The following STN1 variants were observed in gnomAD, a reference collection of about 807,000 sequenced individuals.
STN1 encodes STN1 subunit of CST complex, also known as CST complex subunit STN1.
STN1 carries 29 observed loss-of-function variants against 45.5 expected under a neutral mutation model. The ratio of observed to expected loss-of-function variants is 0.64; its 90% CI spans 0.47 to 0.87. The LOEUF (loss-of-function observed/expected upper bound fraction) is 0.87. Among genes scored for constraint, STN1 ranks in the 40% least tolerant of loss-of-function variants. The pLI is 0.00. For synonymous variants in STN1, 148 were observed against 159.0 expected (o/e 0.93, Z 0.52); for missense variants, 376 against 441.4 (o/e 0.85, Z 1.33).
intron 7 of STN1, among the ~76,000 whole-genome samples, chr10:103,892,512 T>C (rs886522028): frequency 6.6e-6 from 1 of 151,894 alleles, no homozygotes. Context: ...CACTCCATAG[T>C]GCAGAATAAA....
At chr10:103,901,872 A>G (rs1843211890) in intron 4 of STN1, among the ~76,000 whole-genome samples, 2 of 152,206 alleles carry the variant, frequency 1.3e-5, no homozygotes, top group Admixed American at 6.5e-5. Context: ...TTTTTAGACA[A>G]CATTGTCAGT....
intron 5 of STN1, 152 bp downstream of exon 5, chr10:103,899,910 T>C (rs2134366503): frequency 1.7e-6 from 1 of 585,376 alleles, no homozygotes; most frequent in Non-Finnish European, 2.9e-6. Flanking sequence ...GCTGATTTTC[T>C]AAAGAAAGCA....
chr10:103,900,805 T>C (rs1843205472), intron 4 of STN1, among the ~76,000 whole-genome samples: 1 of 152,082 alleles, frequency 6.6e-6, no homozygotes, highest in Non-Finnish European at 1.5e-5. Context: ...AGCAACTTTA[T>C]AATGAAAAAA....
chr10:103,888,669 G>C (rs1843118821), intron 9 of STN1, among the ~76,000 whole-genome samples: 1 of 152,162 alleles, frequency 6.6e-6, no homozygotes, highest in Non-Finnish European at 1.5e-5. Context: ...CAAAGAAGGG[G>C]GGCAAGCATG....
chr10:103,886,461 G>C lies in STN1; in HGVS notation c.949+2611C>G, dbSNP rs550351253. Among the ~76,000 whole-genome samples the C allele has an allele frequency of 2.0e-5, 3 of 151,370 alleles. No individual in the cohort carries two copies. In the South Asian group the frequency reaches 6.3e-4, roughly 32 times the overall value. ...TAAAAAGTTAGAGATAAAAAGACAT[G>C]TTCAACATAGAGCTCTTTTGGATAA... is the stretch of plus-strand genomic sequence containing the variant. On this transcript the variant is annotated intron_variant, in intron 9 of 9. Coordinates refer to ENST00000224950, the MANE Select transcript of STN1 (RefSeq NM_024928.5).
intron 7 of STN1, among the ~76,000 whole-genome samples, chr10:103,897,130 C>T (rs74157367): frequency 6.2e-4 from 95 of 152,252 alleles, no homozygotes; most frequent in African/African-American, 2.2e-3. Context: ...TGTATTCAGA[C>T]TCATTTGTAA....
At chr10:103,885,907 A>T (rs959594438) in intron 9 of STN1, among the ~76,000 whole-genome samples, 2 of 152,198 alleles carry the variant, frequency 1.3e-5, no homozygotes, top group African/African-American at 4.8e-5. Flanking sequence ...TATTTTCCCA[A>T]GAACTTTCAC....
At chr10:103,902,669 T>C (rs1399475736) in intron 4 of STN1, among the ~76,000 whole-genome samples, 1 of 152,216 alleles carries the variant, frequency 6.6e-6, no homozygotes, top group East Asian at 1.9e-4. Flanking sequence ...AAAGCTAATA[T>C]TATATTCTTT....
intron 2 of STN1, 38 bp from the exon 3 acceptor site, chr10:103,910,660 A>G: frequency 8.8e-7 from 1 of 1,137,906 alleles, no homozygotes; most frequent in Non-Finnish European, 1.3e-6. Context: ...ATAATGTATG[A>G]TTACATTTTC....
intron 8 of STN1, among the ~76,000 whole-genome samples, chr10:103,889,687 T>C (rs1229974571): frequency 5.5e-5 from 7 of 128,226 alleles, no homozygotes; most frequent in Non-Finnish European, 1.2e-4. Flanking sequence ...TTAGTCTTTT[T>C]CTTTTTCCTT....
chr10:103,908,247 G>A (rs57514218), intron 3 of STN1, among the ~76,000 whole-genome samples: 254 of 150,898 alleles, frequency 1.7e-3, no homozygotes, highest in African/African-American at 5.8e-3. Context: ...CAAGTGTTCT[G>A]TGCACTCTGG....
At chr10:103,891,814 G>C (rs551215041) in intron 8 of STN1, among the ~76,000 whole-genome samples, 53 of 152,260 alleles carry the variant, frequency 3.5e-4, no homozygotes, top group African/African-American at 1.3e-3. Flanking sequence ...CCTGAAGTTG[G>C]CTCTGTGAAA....
In STN1 at chr10:103,877,886, A is replaced by G. The variant is rs1282581777; in HGVS notation, c.*4798T>C. The G allele has an allele frequency of 6.6e-6, 1 of 152,232 alleles. No individual in the cohort carries two copies. The highest frequency in any genetic ancestry group is 1.9e-4 in the East Asian group (1 of 5,206). The allele number at this position is 152,232 out of a possible 1,614,324, so 9.4% of individuals were successfully genotyped here. On this transcript the variant is annotated 3_prime_UTR_variant, in exon 10 of 10. Transcript: ENST00000224950. ...CTGTATGCTTCACATAAATGTAGTA[A>G]AAAAACAATGAGACGCTTCTTTGGG...
At chr10:103,903,951 T>C (rs1377789412) in intron 4 of STN1, among the ~76,000 whole-genome samples, 2 of 152,190 alleles carry the variant, frequency 1.3e-5, no homozygotes, top group African/African-American at 4.8e-5. Flanking sequence ...GGAATTAGAA[T>C]TCCAAAGTTA....
In STN1 at chr10:103,897,558, G is replaced by C. The variant is rs10786775; in HGVS notation, c.743C>G (p.Ser248Cys). The change falls in exon 7 of 10, where the codon TCC (serine) becomes TGC (cysteine). Residue 248 changes from serine to cysteine, a missense_variant. Ser to Cys is a moderately radical substitution (Grantham distance 112, BLOSUM62 -1). Coordinates refer to ENST00000224950, the MANE Select transcript of STN1 (RefSeq NM_024928.5). Reference protein sequence around the residue: ...LANQPVIHSASSDQVNFKKDT... With the variant: ...LANQPVIHSACSDQVNFKKDT... ...GCATGCTGCACTCACTTGGTCGGAG[G>C]AGGCACTGTGAATCACAGGCTGATT... The C allele has an allele frequency of 0.9, 1,453,955 of 1,613,708 alleles. 657,846 individuals are homozygous for C. Among genetic ancestry groups the C allele is most frequent in the East Asian group, 1 (44,880 of 44,884 alleles).
intron 2 of STN1, among the ~76,000 whole-genome samples, chr10:103,914,887 C>A (rs1462866903): frequency 6.6e-6 from 1 of 152,192 alleles, no homozygotes; most frequent in African/African-American, 2.4e-5. Flanking sequence ...ATACTGCCCT[C>A]ATTTGAGTCA....
chr10:103,910,777 C>T (rs964959989), intron 2 of STN1, among the ~76,000 whole-genome samples, 155 bp from the exon 3 acceptor site: 9 of 152,128 alleles, frequency 5.9e-5, no homozygotes, highest in African/African-American at 7.2e-5. Flanking sequence ...CAAATGACAA[C>T]GCCCCAAGAA....
chr10:103,909,576 A>C (rs1353245304), intron 3 of STN1, among the ~76,000 whole-genome samples: 1 of 148,678 alleles, frequency 6.7e-6, no homozygotes, highest in Non-Finnish European at 1.5e-5. Flanking sequence ...CAGAAAAAAT[A>C]AGCTTTTATT....
At position 103,881,805 on chromosome 10, in the gene STN1, C is replaced by T. The variant is rs1843070702; in HGVS notation, c.*879G>A. 6.6e-6 allele frequency among the ~76,000 whole-genome samples: 1 copy of T among 152,170 alleles called. No individual in the cohort carries two copies. Among genetic ancestry groups the T allele is most frequent in the Non-Finnish European group, 1.5e-5 (1 of 68,036 alleles). On this transcript the variant is annotated 3_prime_UTR_variant, in exon 10 of 10. Coordinates refer to ENST00000224950, the MANE Select transcript of STN1 (RefSeq NM_024928.5). ...CATACCTCAGATGTTTTTCCTTTAC[C>T]TTGTCATTCTGAGCAAAAGCATGAC...
Sources: allele counts gnomAD v4.1 joint callset (sites outside exome capture counted in the v4.1 genomes callset), GRCh38; gene constraint gnomAD v4.1.1; transcripts MANE v1.5; gene names NCBI Gene and HGNC (gene_info 2026-07-23, HGNC 2026-07-21).